The following RPS6KC1 variants were observed in gnomAD, a reference collection of about 807,000 sequenced individuals.
RPS6KC1 encodes the protein inactive ribosomal protein S6 kinase delta-1.
In RPS6KC1, 54 loss-of-function variants were observed where a neutral mutation model predicts 103.8. The observed-to-expected ratio is 0.52, with a 90% confidence interval of 0.42 to 0.65. The LOEUF (loss-of-function observed/expected upper bound fraction) is 0.65, where lower values mean the gene tolerates loss of function less well. Ranked by LOEUF, RPS6KC1 falls within the 30% of genes least tolerant of loss-of-function variation. The probability of loss-of-function intolerance (pLI) is 0.00; values close to 1 mark genes in which losing one functional copy is unlikely to be tolerated. For missense variants in RPS6KC1, 1,151 were observed against 1,253.8 expected, an observed-to-expected ratio of 0.92 and a Z score of 1.24; for synonymous variants, 439 against 438.7, an observed-to-expected ratio of 1.00 and a Z score of -0.01.
chr1:213,162,927 G>A (rs1306019304), intron 6 of RPS6KC1, among the ~76,000 whole-genome samples: 1 of 152,196 alleles, frequency 6.6e-6, no homozygotes, highest in Non-Finnish European at 1.5e-5. Flanking sequence ...AAATGCAAAT[G>A]GAAATCAGAT....
chr1:213,152,049 G>C (rs549504431), intron 6 of RPS6KC1, among the ~76,000 whole-genome samples: 1 of 143,350 alleles, frequency 7.0e-6, no homozygotes, highest in African/African-American at 2.7e-5. Flanking sequence ...CTGGCCGGGC[G>C]GGGGGCTAAC....
At chr1:213,380,152 G>T in the RPS6KC1 span, among the ~76,000 whole-genome samples, 4 of 152,290 alleles carry the variant, frequency 2.6e-5, no homozygotes, top group South Asian at 8.3e-4. Context: ...CCGCAAAAAG[G>T]AACAAGATCA....
the RPS6KC1 span, among the ~76,000 whole-genome samples, chr1:213,575,928 C>A: frequency 6.6e-6 from 1 of 152,192 alleles, no homozygotes; most frequent in Non-Finnish European, 1.5e-5. Context: ...GGGGGCACAA[C>A]CTGCAGCTAG....
At chr1:213,079,054 A>G (rs2079616059) in intron 3 of RPS6KC1, among the ~76,000 whole-genome samples, 1 of 152,188 alleles carries the variant, frequency 6.6e-6, no homozygotes, top group Non-Finnish European at 1.5e-5. Flanking sequence ...ACCTGGTTTT[A>G]TATAACAGTA....
At chr1:213,706,712 TGACAG>T in the RPS6KC1 span, among the ~76,000 whole-genome samples, 1 of 152,096 alleles carries the variant, frequency 6.6e-6, no homozygotes, top group Non-Finnish European at 1.5e-5. Context: ...CCCCACCCGT[TGACAG>T]GCCCCAGTGT....
At chr1:213,348,276 C>T in the RPS6KC1 span, among the ~76,000 whole-genome samples, 2 of 152,118 alleles carry the variant, frequency 1.3e-5, no homozygotes, top group East Asian at 3.9e-4. Flanking sequence ...TGGCTACTTG[C>T]ACCAGATGAA....
the RPS6KC1 span, among the ~76,000 whole-genome samples, chr1:213,708,145 T>C: frequency 6.6e-6 from 1 of 152,228 alleles, no homozygotes; most frequent in Non-Finnish European, 1.5e-5. Context: ...ATGGCAATTT[T>C]CAGGATATTG....
At chr1:213,236,350 A>G (rs1034976929) in intron 10 of RPS6KC1, among the ~76,000 whole-genome samples, 7 of 152,130 alleles carry the variant, frequency 4.6e-5, no homozygotes, top group African/African-American at 1.7e-4. Context: ...CATGATTTCA[A>G]AGTTTTTGGC....
At chr1:213,114,922 A>G (rs1439979776) in intron 4 of RPS6KC1, among the ~76,000 whole-genome samples, 3 of 152,158 alleles carry the variant, frequency 2.0e-5, no homozygotes, top group Admixed American at 1.3e-4. Context: ...CATGGTGGAT[A>G]AGCTTTTTGA....
chr1:213,830,799 C>A, the RPS6KC1 span, among the ~76,000 whole-genome samples: 1 of 151,970 alleles, frequency 6.6e-6, no homozygotes, highest in African/African-American at 2.4e-5. Flanking sequence ...ACTTTATACA[C>A]AAAAATCCTG....
the RPS6KC1 span, among the ~76,000 whole-genome samples, chr1:213,291,998 T>G: frequency 6.6e-6 from 1 of 151,996 alleles, no homozygotes; most frequent in South Asian, 2.1e-4. Context: ...ATTTATTAAA[T>G]AGGGAATCCT....
chr1:213,515,587 A>G, the RPS6KC1 span, among the ~76,000 whole-genome samples: 27 of 152,070 alleles, frequency 1.8e-4, no homozygotes, highest in African/African-American at 6.5e-4. Flanking sequence ...CCATTGATCT[A>G]TATCTCTGTT....
At chr1:213,369,841 G>C in the RPS6KC1 span, among the ~76,000 whole-genome samples, 1 of 152,236 alleles carries the variant, frequency 6.6e-6, no homozygotes, top group Non-Finnish European at 1.5e-5. Flanking sequence ...CATTTAATCA[G>C]GGTGAGAATT....
the RPS6KC1 span, among the ~76,000 whole-genome samples, chr1:213,734,041 G>T: frequency 6.6e-6 from 1 of 152,174 alleles, no homozygotes; most frequent in Non-Finnish European, 1.5e-5. Flanking sequence ...CAAGAAAAAT[G>T]ACTGTCAGTT....
At chr1:213,088,338 C>T (rs1321356530) in intron 3 of RPS6KC1, among the ~76,000 whole-genome samples, 1 of 151,956 alleles carries the variant, frequency 6.6e-6, no homozygotes, top group East Asian at 1.9e-4. Flanking sequence ...CTCTTTTTAC[C>T]TTTATTGTTA....
chr1:213,580,699 A>G, the RPS6KC1 span, among the ~76,000 whole-genome samples: 2 of 152,114 alleles, frequency 1.3e-5, no homozygotes, highest in Admixed American at 1.3e-4. Flanking sequence ...CCATCAACAT[A>G]GAAGCAAGAC....
intron 8 of RPS6KC1, among the ~76,000 whole-genome samples, chr1:213,214,862 C>G (rs888325492): frequency 6.6e-6 from 1 of 152,048 alleles, no homozygotes; most frequent in Non-Finnish European, 1.5e-5. Flanking sequence ...ACGTCGACAC[C>G]AAAACCCCAT....
At chr1:213,654,171 T>C in the RPS6KC1 span, among the ~76,000 whole-genome samples, 1 of 152,218 alleles carries the variant, frequency 6.6e-6, no homozygotes, top group Non-Finnish European at 1.5e-5. Context: ...TTTTTTCTCT[T>C]TTATGTTGCT....
the RPS6KC1 span, among the ~76,000 whole-genome samples, chr1:213,403,079 G>C: frequency 6.6e-6 from 1 of 151,834 alleles, no homozygotes; most frequent in East Asian, 1.9e-4. Flanking sequence ...AGTGAGCCAA[G>C]ATTGCACCAC....
Sources: allele counts gnomAD v4.1 joint callset (sites outside exome capture counted in the v4.1 genomes callset), GRCh38; gene constraint gnomAD v4.1.1; transcripts MANE v1.5; gene names NCBI Gene and HGNC (gene_info 2026-07-23, HGNC 2026-07-21).